LTBP2: variants seen among roughly 807,000 people sequenced by gnomAD.
The protein encoded by LTBP2 is latent transforming growth factor beta binding protein 2, also known as latent-transforming growth factor beta-binding protein 2.
LTBP2 carries 103 observed loss-of-function variants against 210.6 expected under a neutral mutation model. The ratio of observed to expected loss-of-function variants is 0.49; its 90% CI spans 0.42 to 0.58. LTBP2 has a LOEUF of 0.58. LTBP2 is among the 20% of genes least tolerant of loss of function. LTBP2 has a pLI of 0.00. For synonymous variants in LTBP2, 1,007 were observed against 1,015.0 expected (o/e 0.99, Z 0.15); for missense variants, 2,313 against 2,494.5 (o/e 0.93, Z 1.55).
chr14:74,517,193 G>A (rs772883050), intron 17 of LTBP2, among the ~76,000 whole-genome samples: 1 of 152,118 alleles, frequency 6.6e-6, no homozygotes, highest in Non-Finnish European at 1.5e-5. Flanking sequence ...GGACCCATGG[G>A]GATCCTTACA....
At chr14:74,520,825 GAA>G in intron 17 of LTBP2, among the ~76,000 whole-genome samples, 2 of 152,190 alleles carry the variant, frequency 1.3e-5, no homozygotes, top group South Asian at 4.2e-4. Flanking sequence ...ATGAATGAAT[GAA>G]TGAATGGTAG....
chr14:74,574,592 A>G (rs75969245), intron 3 of LTBP2, among the ~76,000 whole-genome samples: 1 of 152,214 alleles, frequency 6.6e-6, no homozygotes, highest in African/African-American at 2.4e-5. Context: ...GATGAAGATG[A>G]TGATGATGAA....
At chr14:74,604,372 G>A (rs1193772646) in intron 1 of LTBP2, among the ~76,000 whole-genome samples, 1 of 152,094 alleles carries the variant, frequency 6.6e-6, no homozygotes, top group Non-Finnish European at 1.5e-5. Context: ...GGGCACTGAA[G>A]GAACAGGGCT....
intron 27 of LTBP2, 34 bp from the exon 28 acceptor site, chr14:74,506,225 A>G: frequency 6.2e-7 from 1 of 1,613,904 alleles, no homozygotes; most frequent in South Asian, 1.1e-5. Context: ...GTGGGCAGAA[A>G]AGAGGCAGCC....
chr14:74,540,877 A>ATATAAT (rs1491410493), intron 8 of LTBP2, among the ~76,000 whole-genome samples: 4 of 79,530 alleles, frequency 5.0e-5, no homozygotes, highest in African/African-American at 1.4e-4. Context: ...TTATATATAT[A>ATATAAT]ATATATATAT....
intron 3 of LTBP2, among the ~76,000 whole-genome samples, chr14:74,558,866 T>G (rs141097761): frequency 8.1e-4 from 124 of 152,268 alleles, no homozygotes; most frequent in Non-Finnish European, 1.6e-3. Flanking sequence ...GGGGAGGGGT[T>G]GGGACTGGGC....
intron 8 of LTBP2, among the ~76,000 whole-genome samples, chr14:74,537,912 G>A (rs2087443395): frequency 6.6e-6 from 1 of 152,088 alleles, no homozygotes. Flanking sequence ...GTGCCACCAG[G>A]GCTGGCTAAC....
intron 4 of LTBP2, among the ~76,000 whole-genome samples, chr14:74,554,743 T>G (rs973080019): frequency 1.3e-5 from 2 of 152,194 alleles, no homozygotes; most frequent in African/African-American, 2.4e-5. Flanking sequence ...TGGTGACGGT[T>G]GCACACAATT....
intron 7 of LTBP2, 59 bp downstream of exon 7, chr14:74,551,005 A>G (rs1240287595): frequency 1.3e-6 from 2 of 1,592,742 alleles, no homozygotes; most frequent in African/African-American, 2.7e-5. Flanking sequence ...AGAAGGGCAG[A>G]CTGGGGACAA....
intron 3 of LTBP2, among the ~76,000 whole-genome samples, chr14:74,564,266 T>G (rs1244670185): frequency 1.3e-5 from 1 of 74,498 alleles, no homozygotes; most frequent in Non-Finnish European, 2.3e-5. Flanking sequence ...TATATATTTA[T>G]ATATATTTAT....
At chr14:74,578,886 G>T (rs1370811616) in intron 3 of LTBP2, among the ~76,000 whole-genome samples, 1 of 152,160 alleles carries the variant, frequency 6.6e-6, no homozygotes, top group Non-Finnish European at 1.5e-5. Context: ...ACAGAGTTTT[G>T]CTCTTGTTGC....
At position 74,611,837 on chromosome 14, in the gene LTBP2, T is replaced by C; in HGVS notation, c.108A>G (p.Gln36=). Residue 36 remains glutamine, a synonymous_variant, in exon 1 of 36, where the codon CAA becomes CAG. Transcript: ENST00000261978. ...GCTCGTATCTCCCTACGGGGTCCCT[T>C]TGGGCATGACCCGCGCCCACGAAGA... ...LALFVGAGHA[Q]RDPVGRYEPA... 3 of 1,611,484 alleles carry C rather than the reference T, an allele frequency of 1.9e-6. No homozygotes were observed. The South Asian group carries it at 3.3e-5, about 18-fold the overall frequency.
chr14:74,558,252 G>A lies in LTBP2; in HGVS notation c.831-2559C>T, dbSNP rs144988424. Among the ~76,000 whole-genome samples the A allele has an allele frequency of 2.1e-3, 317 of 152,236 alleles. 2 individuals carry two copies. Among genetic ancestry groups the A allele is most frequent in the Middle Eastern group, 6.8e-3 (2 of 294 alleles). On this transcript the variant is annotated intron_variant, in intron 3 of 35. Transcript: ENST00000261978. ...CCATCAAAAAACACAAAAATTAGCC[G>A]GGCTTGGTGGCACATGCCTGTAGTC...
intron 8 of LTBP2, 79 bp from the exon 9 acceptor site, chr14:74,536,079 G>A: frequency 2.4e-6 from 3 of 1,233,746 alleles, no homozygotes; most frequent in South Asian, 1.2e-5. Flanking sequence ...AGCGGGTGCA[G>A]TCTGGATGTC....
At chr14:74,535,607 A>C (rs2087410166) in intron 9 of LTBP2, among the ~76,000 whole-genome samples, 1 of 152,176 alleles carries the variant, frequency 6.6e-6, no homozygotes, top group Admixed American at 6.5e-5. Flanking sequence ...TCAGGAGAAA[A>C]GTGGAAGTGC....
chr14:74,534,367 C>T (rs952209662), intron 9 of LTBP2, among the ~76,000 whole-genome samples: 4 of 152,218 alleles, frequency 2.6e-5, no homozygotes, highest in Non-Finnish European at 5.9e-5. Context: ...AGGCCACGTA[C>T]ACAGTACTTT....
chr14:74,502,958 G>A (rs1236788984), intron 33 of LTBP2, 24 bp from the exon 34 acceptor site: 2 of 1,608,646 alleles, frequency 1.2e-6, no homozygotes, highest in Non-Finnish European at 1.7e-6. Flanking sequence ...GGGAGAGAAG[G>A]AGCTGGGTTC....
Position 74,499,483 on chromosome 14 carries a change from G to A in LTBP2, c.*1401C>T, listed in dbSNP as rs889367179. 1 of 228,636 alleles carries A rather than the reference G, an allele frequency of 4.4e-6. No homozygotes were observed. Among genetic ancestry groups the A allele is most frequent in the African/African-American group, 2.2e-5 (1 of 45,094 alleles). The allele number at this position is 228,636 out of a possible 1,614,324, so 14.2% of individuals were successfully genotyped here. A position where few individuals can be genotyped will look rare whatever the true frequency, so the allele number is the denominator to read the frequency against. ...GTGATGGCTAACAATCAGAGGAGCA[G>A]GTAGGACAGGGCAGATTAAATTAAG... On this transcript the variant is annotated 3_prime_UTR_variant, in exon 36 of 36. Transcript: ENST00000261978.
intron 18 of LTBP2, among the ~76,000 whole-genome samples, chr14:74,512,262 T>A (rs2087081393): frequency 6.6e-6 from 1 of 152,142 alleles, no homozygotes; most frequent in Admixed American, 6.5e-5. Flanking sequence ...TCTGGCCCGG[T>A]ATCAAGGCTC....
Sources: allele counts gnomAD v4.1 joint callset (sites outside exome capture counted in the v4.1 genomes callset), GRCh38; gene constraint gnomAD v4.1.1; transcripts MANE v1.5; gene names NCBI Gene and HGNC (gene_info 2026-07-23, HGNC 2026-07-21).